Variants in CLMN observed in about 807,000 individuals in gnomAD.
CLMN encodes calmin.
CLMN carries 57 observed loss-of-function variants against 92.7 expected under a neutral mutation model. The observed-to-expected ratio is 0.61, with a 90% CI of 0.50 to 0.77. The LOEUF is 0.77. Ranked by LOEUF, CLMN falls within the 30% of genes least tolerant of loss-of-function variation. The probability of loss-of-function intolerance (pLI) is 0.00; values close to 1 mark genes in which losing one functional copy is unlikely to be tolerated. For missense variants in CLMN, 1,158 were observed against 1,237.5 expected, an observed-to-expected ratio of 0.94 and a Z score of 0.96; for synonymous variants, 466 against 470.6, an observed-to-expected ratio of 0.99 and a Z score of 0.13.
intron 1 of CLMN, among the ~76,000 whole-genome samples, chr14:95,267,805 T>G (rs1311173050): frequency 6.6e-6 from 1 of 152,056 alleles, no homozygotes; most frequent in African/African-American, 2.4e-5. Flanking sequence ...ATAAAGAAAA[T>G]GTGCTATATA....
chr14:95,242,586 G>A (rs1315728399), intron 1 of CLMN, among the ~76,000 whole-genome samples: 2 of 102,810 alleles, frequency 1.9e-5, no homozygotes, highest in Non-Finnish European at 3.6e-5. Context: ...TTTTTTTTGA[G>A]ACGGAGTCTC....
intron 1 of CLMN, among the ~76,000 whole-genome samples, chr14:95,276,972 G>T (rs1442434212): frequency 2.0e-5 from 3 of 150,054 alleles, no homozygotes; most frequent in Non-Finnish European, 4.4e-5. Flanking sequence ...AACATGGCTT[G>T]GCCCCCCCAT....
rs1896635676 is a variant in CLMN at position 95,194,206 on chromosome 14, C to T, written c.2770-287G>A. 1 of 1,396,888 alleles carries T rather than the reference C, an allele frequency of 7.2e-7. No individual in the cohort carries two copies. Among genetic ancestry groups the T allele is most frequent in the South Asian group, 1.6e-5 (1 of 61,678 alleles). 86.5% of individuals were successfully genotyped at this position (1,396,888 alleles called of 1,614,324 possible). A position where few individuals can be genotyped will look rare whatever the true frequency, so the allele number is the denominator to read the frequency against. On this transcript the variant is annotated intron_variant, in intron 11 of 12. Coordinates refer to ENST00000298912, the MANE Select transcript of CLMN (RefSeq NM_024734.4). The surrounding 1 kb of genome is among the most constrained non-coding windows in gnomAD (Gnocchi z 4.0). The stretch of plus-strand genomic sequence containing the variant: ...TCTGCTACTGAGCACGTGCCACTGT[C>T]CATCGGACCTTGACTCATGTTGCAC...
At position 95,183,582 on chromosome 14, in the gene CLMN, T is replaced by G. The variant is rs2140545055; in HGVS notation, c.*7982A>C. 6.6e-6 allele frequency: 1 copy of G among 152,366 alleles called. No individual in the cohort carries two copies. 9.4% of individuals were successfully genotyped at this position (152,366 alleles called of 1,614,324 possible). ...CTCAGGCCTTCTCTACTTTTCTTTT[T>G]GAAGGAGAAAGCCCAATTTCCTACT... is the stretch of plus-strand genomic sequence containing the variant. On this transcript the variant is annotated 3_prime_UTR_variant, in exon 13 of 13. Coordinates refer to ENST00000298912, the MANE Select transcript of CLMN (RefSeq NM_024734.4).
At position 95,221,715 on chromosome 14, in the gene CLMN, T is replaced by C; in HGVS notation, c.300A>G (p.Ala100=). ...RIFRLNNIAK[A]LKFLEDSNVK... ...CATTGCTATCTTCCAAAAACTTAAGTGCTTTCGCTATGTTGTTCAACCGAA... is the reference window on the plus strand; with the variant it reads ...CATTGCTATCTTCCAAAAACTTAAGCGCTTTCGCTATGTTGTTCAACCGAA... Residue 100 remains alanine (A), a synonymous_variant, in exon 4 of 13, where the codon GCA becomes GCG. Coordinates refer to ENST00000298912, the MANE Select transcript of CLMN (RefSeq NM_024734.4). 1 of 1,614,178 alleles carries C rather than the reference T, an allele frequency of 6.2e-7. No homozygotes were observed.
chr14:95,250,854 G>T (rs1898754931), intron 1 of CLMN, among the ~76,000 whole-genome samples: 1 of 152,156 alleles, frequency 6.6e-6, no homozygotes. Context: ...AAAACATAGG[G>T]GGACTGGCCC....
chr14:95,193,405 G>A, intron 12 of CLMN: 1 of 1,533,890 alleles, frequency 6.5e-7, no homozygotes, highest in Non-Finnish European at 8.7e-7. Flanking sequence ...GTAAGCTTCT[G>A]AGTACTGTAC....
rs556429293 is a variant in CLMN at position 95,259,519 on chromosome 14, G to A, written c.83-29386C>T. ...TTTCAAGAAACATCTGGGAGGAAACGAGACAGGCTGTAGTTCCCACAGAGC... is the reference window on the plus strand; with the variant it reads ...TTTCAAGAAACATCTGGGAGGAAACAAGACAGGCTGTAGTTCCCACAGAGC... On this transcript the variant is annotated intron_variant, in intron 1 of 12. Coordinates refer to ENST00000298912, the MANE Select transcript of CLMN (RefSeq NM_024734.4). This position sits in a 1 kb window ranked among gnomAD's most constrained non-coding sequence, Gnocchi z 4.3. 8.5e-5 allele frequency among the ~76,000 whole-genome samples: 13 copies of A among 152,290 alleles called. No individual in the cohort carries two copies. The highest frequency in any genetic ancestry group is 2.1e-4 in the South Asian group (1 of 4,824).
intron 1 of CLMN, among the ~76,000 whole-genome samples, chr14:95,253,843 T>C (rs1292203352): frequency 1.3e-5 from 2 of 152,122 alleles, no homozygotes; most frequent in Non-Finnish European, 2.9e-5. Flanking sequence ...CTCGATCTCC[T>C]GACCTCCTGA....
At chr14:95,285,545 C>T (rs985577229) in intron 1 of CLMN, among the ~76,000 whole-genome samples, 6 of 152,144 alleles carry the variant, frequency 3.9e-5, no homozygotes, top group African/African-American at 1.4e-4. Flanking sequence ...GACACACAAG[C>T]TAGGGAAACA....
At position 95,256,049 on chromosome 14, in the gene CLMN, G is replaced by A. The variant is rs10129602; in HGVS notation, c.83-25916C>T. Among the ~76,000 whole-genome samples the A allele has an allele frequency of 0.12, 18,876 of 152,138 alleles. 1,713 individuals carry two copies. Among genetic ancestry groups the A allele is most frequent in the African/African-American group, 0.25 (10,321 of 41,454 alleles). On this transcript the variant is annotated intron_variant, in intron 1 of 12. Transcript: ENST00000298912. This position sits in a 1 kb window ranked among gnomAD's most constrained non-coding sequence, Gnocchi z 4.9. ...CCATTTTACAAATGAGGAAACTGAGGCACAGAAAGCTTAACGAACTTGCCT... is the reference window on the plus strand; with the variant it reads ...CCATTTTACAAATGAGGAAACTGAGACACAGAAAGCTTAACGAACTTGCCT...
intron 10 of CLMN, among the ~76,000 whole-genome samples, chr14:95,196,254 G>C (rs1474717590): frequency 8.0e-6 from 1 of 125,606 alleles, no homozygotes; most frequent in African/African-American, 2.9e-5. Context: ...TCCACCCAAA[G>C]GTTTGAAGAC....
At chr14:95,304,631 A>G (rs1380443803) in intron 1 of CLMN, among the ~76,000 whole-genome samples, 2 of 151,942 alleles carry the variant, frequency 1.3e-5, no homozygotes, top group Non-Finnish European at 2.9e-5. Flanking sequence ...GAAGATCTCA[A>G]TGCAAATTGT....
intron 4 of CLMN, among the ~76,000 whole-genome samples, chr14:95,216,017 A>G (rs888477135): frequency 6.6e-6 from 1 of 152,210 alleles, no homozygotes; most frequent in African/African-American, 2.4e-5. Flanking sequence ...CAATAAACCT[A>G]TGATGTAGGT....
At chr14:95,212,788 T>A (rs1310614179) in intron 6 of CLMN, among the ~76,000 whole-genome samples, 1 of 67,680 alleles carries the variant, frequency 1.5e-5, no homozygotes, top group African/African-American at 1.0e-4. Context: ...CTGACATTCT[T>A]TTTTTTTTTT....
rs1441072536 is a variant in CLMN, at chr14:95,189,871, A to G, written c.*1693T>C. The G allele has an allele frequency of 1.3e-5, 2 of 152,236 alleles. No homozygotes were observed. The highest frequency in any genetic ancestry group is 2.9e-5 in the Non-Finnish European group (2 of 68,042). The allele number at this position is 152,236 out of a possible 1,614,324, so 9.4% of individuals were successfully genotyped here. On this transcript the variant is annotated 3_prime_UTR_variant, in exon 13 of 13. Transcript: ENST00000298912. ...ATTCTTTCAGGAGGGGAGACAGACT[A>G]TAATCAGACTGGTTTAGAGGCCAGA...
At chr14:95,244,273 T>C (rs984037629) in intron 1 of CLMN, among the ~76,000 whole-genome samples, 8 of 152,232 alleles carry the variant, frequency 5.3e-5, no homozygotes, top group Non-Finnish European at 1.0e-4. Flanking sequence ...CAGAGTCTAC[T>C]TGAATGCCTC....
In CLMN at chr14:95,188,107, C is replaced by T. The variant is rs1475237776; in HGVS notation, c.*3457G>A. The T allele has an allele frequency of 6.6e-6, 1 of 152,166 alleles. No individual in the cohort carries two copies. Among genetic ancestry groups the T allele is most frequent in the Admixed American group, 6.5e-5 (1 of 15,278 alleles). The allele number at this position is 152,166 out of a possible 1,614,324, so 9.4% of individuals were successfully genotyped here. A position where few individuals can be genotyped will look rare whatever the true frequency, so the allele number is the denominator to read the frequency against. On this transcript the variant is annotated 3_prime_UTR_variant, in exon 13 of 13. Transcript: ENST00000298912. ...GTTCTCCAATGATGAGTCCAGGTGC[C>T]CACCTGGTGACCCTAGTGGAAAAGC...
intron 8 of CLMN, among the ~76,000 whole-genome samples, chr14:95,207,066 CCTTT>C (rs1384116743): frequency 2.6e-5 from 4 of 151,866 alleles, no homozygotes; most frequent in African/African-American, 7.3e-5. Flanking sequence ...GGGCTGGATC[CCTTT>C]CTTTTGATTC....
Sources: allele counts gnomAD v4.1 joint callset (sites outside exome capture counted in the v4.1 genomes callset), GRCh38; gene constraint gnomAD v4.1.1; non-coding constraint Gnocchi (gnomAD v3.1); transcripts MANE v1.5; gene names NCBI Gene and HGNC (gene_info 2026-07-23, HGNC 2026-07-21).